ASB3: variants seen among roughly 807,000 people sequenced by gnomAD.
ASB3 encodes the protein ankyrin repeat and SOCS box containing 3.
A neutral mutation model predicts 54.5 loss-of-function variants in ASB3; 41 were observed. That is an observed-to-expected ratio of 0.75 (90% CI 0.59 to 0.98). The LOEUF (loss-of-function observed/expected upper bound fraction) is 0.98. Among genes scored for constraint, ASB3 ranks in the 50% least tolerant of loss-of-function variants. The pLI is 0.00. For synonymous variants in ASB3, 266 were observed against 221.2 expected, an observed-to-expected ratio of 1.20 and a Z score of -1.80; for missense variants, 733 against 620.0, an observed-to-expected ratio of 1.18 and a Z score of -1.94.
chr2:53,686,450 G>A lies in ASB3; in HGVS notation c.1369+7434C>T, dbSNP rs530891351. Among the ~76,000 whole-genome samples, 4 of 152,126 alleles carry A rather than the reference G, an allele frequency of 2.6e-5. No individual in the cohort carries two copies. In the South Asian group the frequency reaches 8.3e-4, roughly 32 times the overall value. ...CACCTTTAATTTTTTCATGTTCAAG[G>A]GAGCTGTCATCTAAGCAGCTACAAG... is the stretch of plus-strand genomic sequence containing the variant. On this transcript the variant is annotated intron_variant, in intron 9 of 9. Transcript: ENST00000263634.
intron 2 of ASB3, among the ~76,000 whole-genome samples, chr2:53,761,092 AG>A (rs1475580436): frequency 1.3e-5 from 2 of 152,232 alleles, no homozygotes; most frequent in Admixed American, 6.5e-5. Flanking sequence ...TACTGTTGAG[AG>A]GGGGGACTGA....
At chr2:53,672,033 G>C (rs1157077711) in intron 9 of ASB3, among the ~76,000 whole-genome samples, 1 of 152,158 alleles carries the variant, frequency 6.6e-6, no homozygotes, top group Non-Finnish European at 1.5e-5. Context: ...CATAGGGCTT[G>C]AGACCAATTA....
intron 8 of ASB3, among the ~76,000 whole-genome samples, chr2:53,696,545 G>C (rs898685687): frequency 6.6e-6 from 1 of 152,108 alleles, no homozygotes; most frequent in Non-Finnish European, 1.5e-5. Context: ...CCCCTGCTTA[G>C]GTTTTTCCTA....
intron 5 of ASB3, among the ~76,000 whole-genome samples, chr2:53,726,736 G>C (rs2103894278): frequency 6.6e-6 from 1 of 150,558 alleles, no homozygotes; most frequent in African/African-American, 2.4e-5. Flanking sequence ...CACTCTTGTT[G>C]CCCAGACTGG....
intron 2 of ASB3, among the ~76,000 whole-genome samples, chr2:53,761,402 T>C (rs1237884619): frequency 6.6e-6 from 1 of 152,094 alleles, no homozygotes; most frequent in African/African-American, 2.4e-5. Flanking sequence ...GGGCTCTGTT[T>C]TCACTCTATT....
At chr2:53,747,470 C>T (rs1167267624) in intron 3 of ASB3, among the ~76,000 whole-genome samples, 46 of 152,228 alleles carry the variant, frequency 3.0e-4, no homozygotes, top group Middle Eastern at 3.4e-3. Context: ...CACTTGAACC[C>T]GGGAGGCAGA....
chr2:53,719,963 C>A (rs78462428), intron 5 of ASB3, among the ~76,000 whole-genome samples: 9,984 of 152,194 alleles, frequency 0.066, 540 homozygotes, highest in East Asian at 0.28. Flanking sequence ...GCAACCCTGC[C>A]TCCTATTCTA....
At chr2:53,707,097 C>A (rs1381444974) in intron 7 of ASB3, among the ~76,000 whole-genome samples, 2 of 152,244 alleles carry the variant, frequency 1.3e-5, no homozygotes, top group Admixed American at 6.5e-5. Context: ...CTCTATACCA[C>A]TGCCATGCAG....
intron 2 of ASB3, among the ~76,000 whole-genome samples, chr2:53,757,546 C>T: frequency 6.6e-6 from 1 of 152,246 alleles, no homozygotes; most frequent in East Asian, 1.9e-4. Context: ...ATTCTCCTTA[C>T]TTCTGAATCT....
intron 3 of ASB3, among the ~76,000 whole-genome samples, chr2:53,730,763 T>G (rs1671262407): frequency 6.6e-6 from 1 of 152,230 alleles, no homozygotes; most frequent in Admixed American, 6.5e-5. Context: ...TGGTATCTCA[T>G]CGTGGTTTTG....
At chr2:53,680,029 T>C (rs1668281506) in intron 9 of ASB3, among the ~76,000 whole-genome samples, 1 of 152,212 alleles carries the variant, frequency 6.6e-6, no homozygotes, top group South Asian at 2.1e-4. Context: ...TTGCTAAGGA[T>C]AATGGCCTCC....
chr2:53,786,780 A>C, intron 1 of ASB3, 41 bp downstream of exon 1: 4 of 169,354 alleles, frequency 2.4e-5, no homozygotes, highest in Non-Finnish European at 5.1e-5. Flanking sequence ...AGCAGCGGGA[A>C]TGGCTTCAGG....
chr2:53,779,954 T>G (rs1467144230), intron 1 of ASB3, among the ~76,000 whole-genome samples: 1 of 152,218 alleles, frequency 6.6e-6, no homozygotes, highest in Non-Finnish European at 1.5e-5. Context: ...CTGAAGGCTT[T>G]TTGTGATAAG....
intron 1 of ASB3, among the ~76,000 whole-genome samples, chr2:53,773,708 CG>C (rs1674113918): frequency 6.6e-6 from 1 of 151,516 alleles, no homozygotes; most frequent in South Asian, 2.1e-4. Context: ...GTATTACAGG[CG>C]TGAGCCACCG....
intron 9 of ASB3, among the ~76,000 whole-genome samples, chr2:53,678,712 G>A (rs907654050): frequency 3.3e-5 from 5 of 152,140 alleles, no homozygotes; most frequent in Admixed American, 1.3e-4. Flanking sequence ...ATAAGTCCTC[G>A]GGAATCCCCA....
intron 3 of ASB3, chr2:53,748,303 C>T (rs1326750951): frequency 6.6e-6 from 1 of 152,154 alleles, no homozygotes; most frequent in Non-Finnish European, 1.5e-5. Flanking sequence ...TCCACGTAGA[C>T]GATTTCTTGA....
At chr2:53,734,021 C>A (rs947139232) in intron 3 of ASB3, among the ~76,000 whole-genome samples, 3 of 152,216 alleles carry the variant, frequency 2.0e-5, no homozygotes, top group African/African-American at 7.2e-5. Context: ...ATCGGTCACG[C>A]TATTGTTTGT....
At chr2:53,782,560 A>G (rs1674709525) in intron 1 of ASB3, among the ~76,000 whole-genome samples, 1 of 152,160 alleles carries the variant, frequency 6.6e-6, no homozygotes, top group Non-Finnish European at 1.5e-5. Context: ...CAGCAACAGT[A>G]TTTGTTTCTG....
At chr2:53,673,113 C>T (rs920204267) in intron 9 of ASB3, among the ~76,000 whole-genome samples, 3 of 152,116 alleles carry the variant, frequency 2.0e-5, no homozygotes, top group Non-Finnish European at 4.4e-5. Flanking sequence ...TGCCAATGGA[C>T]ATAGTCAGAT....
Sources: gnomAD v4.1 joint callset for allele counts (sites outside exome capture counted in the v4.1 genomes callset) on GRCh38, gnomAD v4.1.1 for gene constraint, MANE v1.5 for transcripts, NCBI Gene and HGNC (gene_info 2026-07-23, HGNC 2026-07-21) for gene names.